ASTN1: variants seen among roughly 807,000 people sequenced by gnomAD.
The protein encoded by ASTN1 is astrotactin-1.
ASTN1 carries 41 observed loss-of-function variants against 140.7 expected under a neutral mutation model. The ratio of observed to expected loss-of-function variants is 0.29; its 90% CI spans 0.23 to 0.38. The LOEUF (loss-of-function observed/expected upper bound fraction) is 0.38, where lower values mean the gene tolerates loss of function less well. ASTN1 is among the 10% of genes least tolerant of loss of function. The pLI, the probability that ASTN1 is intolerant of heterozygous loss-of-function variation, is 1.00. For synonymous variants in ASTN1, 640 were observed against 652.2 expected, an observed-to-expected ratio of 0.98 and a Z score of 0.29; for missense variants, 1,479 against 1,678.8, an observed-to-expected ratio of 0.88 and a Z score of 2.08.
At chr1:176,916,700 C>T (rs1670499836) in intron 16 of ASTN1, among the ~76,000 whole-genome samples, 1 of 152,146 alleles carries the variant, frequency 6.6e-6, no homozygotes, top group Non-Finnish European at 1.5e-5. Context: ...TGGTTTACTC[C>T]AAAATTTTCC....
Position 176,861,699 on chromosome 1 carries a change from T to C in ASTN1, c.*2585A>G. Reference sequence around the variant, plus strand: ...GTGTGTGCACACGTGTGTGTGTGTGTACATACATACACACATTCAGTGGGG... The same window carrying C: ...GTGTGTGCACACGTGTGTGTGTGTGCACATACATACACACATTCAGTGGGG... On this transcript the variant is annotated 3_prime_UTR_variant, in exon 23 of 23. Coordinates refer to ENST00000361833, the MANE Select transcript of ASTN1 (RefSeq NM_004319.3). 1 of 985,262 alleles carries C rather than the reference T, an allele frequency of 1.0e-6. No individual in the cohort carries two copies. Among genetic ancestry groups the C allele is most frequent in the African/African-American group, 1.7e-5 (1 of 57,300 alleles). 61.0% of individuals were successfully genotyped at this position (985,262 alleles called of 1,614,324 possible).
At chr1:177,028,937 T>C (rs1571675068) in intron 5 of ASTN1, among the ~76,000 whole-genome samples, 1 of 152,090 alleles carries the variant, frequency 6.6e-6, no homozygotes, top group East Asian at 1.9e-4. Flanking sequence ...ACTCCGCTGG[T>C]GTGGTGGTGA....
At chr1:177,013,864 G>A (rs913606334) in intron 8 of ASTN1, among the ~76,000 whole-genome samples, 5 of 152,046 alleles carry the variant, frequency 3.3e-5, no homozygotes, top group African/African-American at 1.2e-4. Context: ...AACATCTAAA[G>A]GAAACTAAAA....
chr1:176,859,358 G>C (rs185143953), downstream of ASTN1, among the ~76,000 whole-genome samples: 366 of 152,242 alleles, frequency 2.4e-3, 3 homozygotes, highest in Non-Finnish European at 2.9e-3. Flanking sequence ...GGACATTGTG[G>C]ATGTAGCCCA....
At chr1:176,953,378 G>C (rs1302520753) in intron 11 of ASTN1, among the ~76,000 whole-genome samples, 1 of 152,198 alleles carries the variant, frequency 6.6e-6, no homozygotes, top group East Asian at 1.9e-4. Flanking sequence ...CATAAGACAT[G>C]CAACTATAAT....
chr1:176,857,910 A>G (rs1366385307), downstream of ASTN1, among the ~76,000 whole-genome samples: 2 of 152,126 alleles, frequency 1.3e-5, no homozygotes, highest in Admixed American at 1.3e-4. Context: ...TTTCATCTCT[A>G]AGTTGGTATT....
intron 11 of ASTN1, among the ~76,000 whole-genome samples, chr1:176,955,096 G>A (rs1465314503): frequency 1.3e-5 from 2 of 152,280 alleles, no homozygotes; most frequent in Non-Finnish European, 2.9e-5. Flanking sequence ...AAGAGTCAGC[G>A]TGTTCTGAGT....
chr1:176,949,411 A>T, intron 11 of ASTN1, 60 bp from the exon 12 acceptor site: 1 of 1,536,198 alleles, frequency 6.5e-7, no homozygotes, highest in Admixed American at 1.8e-5. Context: ...GTTCTCTGGG[A>T]ACTGAGTGTA....
At chr1:177,110,670 A>G (rs556923712) in intron 1 of ASTN1, among the ~76,000 whole-genome samples, 1 of 152,328 alleles carries the variant, frequency 6.6e-6, no homozygotes, top group Admixed American at 6.5e-5. Flanking sequence ...CCCAGGAGAT[A>G]GGGATTTATC....
rs191284301 is a variant in ASTN1, at chr1:176,951,270, T to G, written c.1888-1919A>C. Among the ~76,000 whole-genome samples, 21 of 152,322 alleles carry G rather than the reference T, an allele frequency of 1.4e-4. No homozygotes were observed. The East Asian group carries it at 4.1e-3, about 29-fold the overall frequency. On this transcript the variant is annotated intron_variant, in intron 11 of 22. Coordinates refer to ENST00000361833, the MANE Select transcript of ASTN1 (RefSeq NM_004319.3). The stretch of plus-strand genomic sequence containing the variant: ...GATTGCCCCCCATGTTTTGCTAGCC[T>G]CCCACTAATCATATTCCTTGGCCAC...
intron 2 of ASTN1, among the ~76,000 whole-genome samples, chr1:177,037,595 C>T (rs1029923698): frequency 6.6e-6 from 1 of 152,204 alleles, no homozygotes; most frequent in Admixed American, 6.5e-5. Flanking sequence ...CAAAACATTA[C>T]AGTATATCTG....
At chr1:177,075,649 T>C (rs1375457227) in intron 1 of ASTN1, among the ~76,000 whole-genome samples, 5 of 142,438 alleles carry the variant, frequency 3.5e-5, no homozygotes, top group Admixed American at 7.0e-5. Context: ...TCTTTTCTTT[T>C]TTTTTTTTTT....
chr1:177,111,571 C>T (rs1680824696), intron 1 of ASTN1, among the ~76,000 whole-genome samples: 1 of 152,192 alleles, frequency 6.6e-6, no homozygotes, highest in African/African-American at 2.4e-5. Context: ...ACACACTCTT[C>T]TGCCAGGTGG....
At chr1:177,102,497 A>G (rs1680348301) in intron 1 of ASTN1, among the ~76,000 whole-genome samples, 1 of 152,306 alleles carries the variant, frequency 6.6e-6, no homozygotes, top group Non-Finnish European at 1.5e-5. Context: ...CCATCAAGGT[A>G]ACTTTAAACT....
intron 6 of ASTN1, among the ~76,000 whole-genome samples, chr1:177,024,029 A>T (rs1675970154): frequency 6.6e-6 from 1 of 152,242 alleles, no homozygotes. Context: ...CTCAGAGAAC[A>T]GACATTAACA....
At chr1:177,092,166 ATTGTTCCCAT>A (rs1477682454) in intron 1 of ASTN1, among the ~76,000 whole-genome samples, 6 of 152,042 alleles carry the variant, frequency 3.9e-5, no homozygotes, top group Non-Finnish European at 8.8e-5. Flanking sequence ...CACATTTATT[ATTGTTCCCAT>A]TTTTGACTGC....
intron 11 of ASTN1, among the ~76,000 whole-genome samples, chr1:176,954,047 T>C (rs1371124929): frequency 6.6e-6 from 1 of 152,194 alleles, no homozygotes; most frequent in Non-Finnish European, 1.5e-5. Context: ...TGGCTAAAGC[T>C]CAGAGCAGGG....
chr1:176,932,598 A>G (rs1671256021), intron 16 of ASTN1, among the ~76,000 whole-genome samples: 1 of 152,250 alleles, frequency 6.6e-6, no homozygotes, highest in Non-Finnish European at 1.5e-5. Flanking sequence ...CAAGGAGCTT[A>G]ATATAGACCA....
chr1:177,027,424 T>A (rs1676172848), intron 5 of ASTN1, among the ~76,000 whole-genome samples: 1 of 151,738 alleles, frequency 6.6e-6, no homozygotes. Flanking sequence ...TAATCCAGCA[T>A]CTCTACCTGG....
Sources: allele counts gnomAD v4.1 joint callset (sites outside exome capture counted in the v4.1 genomes callset), GRCh38; gene constraint gnomAD v4.1.1; transcripts MANE v1.5; gene names NCBI Gene and HGNC (gene_info 2026-07-23, HGNC 2026-07-21).